The following MCTP2 variants were observed in gnomAD, a reference collection of about 807,000 sequenced individuals.
The protein encoded by MCTP2 is multiple C2 and transmembrane domain containing 2, also known as multiple C2 and transmembrane domain-containing protein 2.
A neutral mutation model predicts 111.6 loss-of-function variants in MCTP2; 132 were observed. That is an observed-to-expected ratio of 1.18 (90% CI 1.03 to 1.37). The LOEUF is 1.37. Among genes scored for constraint, MCTP2 ranks in the 40% most tolerant of loss-of-function variants. The pLI is 0.00. For synonymous variants in MCTP2, 395 were observed against 387.7 expected (o/e 1.02, Z -0.22); for missense variants, 1,183 against 1,067.9 (o/e 1.11, Z -1.50).
intron 20 of MCTP2, among the ~76,000 whole-genome samples, chr15:94,458,828 T>C (rs72647779): frequency 0.11 from 15,995 of 152,268 alleles, 927 homozygotes; most frequent in East Asian, 0.19. Context: ...TACTCAACTC[T>C]GTTGTTAAAG....
chr15:94,236,370 T>G (rs955681188), intron 1 of MCTP2, among the ~76,000 whole-genome samples: 1 of 139,800 alleles, frequency 7.2e-6, no homozygotes, highest in African/African-American at 2.7e-5. Context: ...AATCCTTTCT[T>G]TTTTTTCTTT....
intron 5 of MCTP2, 151 bp from the exon 6 acceptor site, chr15:94,340,048 A>C: frequency 1.6e-6 from 1 of 614,802 alleles, no homozygotes; most frequent in Non-Finnish European, 2.8e-6. Flanking sequence ...CATTGGCTTG[A>C]CTAAATTTCT....
At chr15:94,237,155 C>T (rs2070629132) in intron 1 of MCTP2, among the ~76,000 whole-genome samples, 1 of 152,156 alleles carries the variant, frequency 6.6e-6, no homozygotes, top group African/African-American at 2.4e-5. Context: ...AAGGTCTGCA[C>T]TCCAGGAAAG....
intron 1 of MCTP2, among the ~76,000 whole-genome samples, chr15:94,244,247 C>CAT (rs1555439444): frequency 7.5e-6 from 1 of 133,774 alleles, no homozygotes; most frequent in Non-Finnish European, 1.6e-5. Context: ...CACGTGTATA[C>CAT]ACATATGTGT....
At chr15:94,467,415 T>C (rs1403809991) in intron 20 of MCTP2, among the ~76,000 whole-genome samples, 2 of 40,202 alleles carry the variant, frequency 5.0e-5, no homozygotes, top group Non-Finnish European at 1.0e-4. Flanking sequence ...GTTACTTACT[T>C]TTATTATAAT....
intron 17 of MCTP2, among the ~76,000 whole-genome samples, chr15:94,424,838 G>A (rs2082802866): frequency 6.6e-6 from 1 of 151,948 alleles, no homozygotes; most frequent in South Asian, 2.1e-4. Context: ...GGGGCATTTG[G>A]ATCCCTCCTT....
At chr15:94,282,311 T>C (rs1343690640) in intron 1 of MCTP2, among the ~76,000 whole-genome samples, 1 of 152,228 alleles carries the variant, frequency 6.6e-6, no homozygotes, top group Non-Finnish European at 1.5e-5. Flanking sequence ...AATTCTGAGA[T>C]TCTTTTCTCA....
intron 17 of MCTP2, among the ~76,000 whole-genome samples, chr15:94,407,774 TGCACACACAC>T (rs2081972235): frequency 1.1e-5 from 1 of 95,216 alleles, no homozygotes; most frequent in South Asian, 4.2e-4. Context: ...CATGTACTTG[TGCACACACAC>T]ACACACACAC....
intron 21 of MCTP2, among the ~76,000 whole-genome samples, chr15:94,475,388 G>T (rs1410279187): frequency 6.6e-6 from 1 of 152,200 alleles, no homozygotes; most frequent in Admixed American, 6.5e-5. Flanking sequence ...ACCCTCCAAA[G>T]AAATAACTGG....
At chr15:94,451,314 AATTTGAAAAATTCCATG>A (rs1437588703) in intron 19 of MCTP2, among the ~76,000 whole-genome samples, 2 of 152,176 alleles carry the variant, frequency 1.3e-5, no homozygotes, top group African/African-American at 4.8e-5. Context: ...AACCTTATGA[AATTTGAAAAATTCCATG>A]CTTTCATCTC....
intron 1 of MCTP2, among the ~76,000 whole-genome samples, chr15:94,261,715 G>A (rs184475945): frequency 6.6e-6 from 1 of 152,302 alleles, no homozygotes; most frequent in Non-Finnish European, 1.5e-5. Flanking sequence ...GACACAGGTA[G>A]TGTTCATTAG....
At chr15:94,342,684 A>T (rs1205559552) in intron 7 of MCTP2, 2 of 151,536 alleles carry the variant, frequency 1.3e-5, no homozygotes, top group African/African-American at 4.8e-5. Context: ...ACATATATTT[A>T]TCTCCATATA....
intron 1 of MCTP2, among the ~76,000 whole-genome samples, chr15:94,286,430 TA>T (rs1034321080): frequency 6.6e-6 from 1 of 152,132 alleles, no homozygotes; most frequent in Non-Finnish European, 1.5e-5. Flanking sequence ...GATGGTTAAT[TA>T]AAAAAATATC....
At position 94,403,250 on chromosome 15, in the gene MCTP2, G is replaced by T. The variant is rs570316235; in HGVS notation, c.2085+1231G>T. On this transcript the variant is annotated intron_variant, in intron 17 of 22. Coordinates refer to ENST00000357742, the MANE Select transcript of MCTP2 (RefSeq NM_001385001.1). The stretch of plus-strand genomic sequence containing the variant: ...GGCCTTAATAAAAACACTAATAAAG[G>T]TTTTATTAATCTGTATCCGTCATTG... The T allele has an allele frequency of 6.1e-6, 6 of 984,122 alleles. No homozygotes were observed. The East Asian group carries it at 3.4e-4, about 56-fold the overall frequency. 61.0% of individuals were successfully genotyped at this position (984,122 alleles called of 1,614,324 possible). A position where few individuals can be genotyped will look rare whatever the true frequency, so the allele number is the denominator to read the frequency against.
chr15:94,404,586 A>C lies in MCTP2; in HGVS notation c.2085+2567A>C, dbSNP rs992378667. On this transcript the variant is annotated intron_variant, in intron 17 of 22. Coordinates refer to ENST00000357742, the MANE Select transcript of MCTP2 (RefSeq NM_001385001.1). ...AGTGCTAGGATTACAGGCTTGAGCC[A>C]CCGCACCTGGCCTCCGTTTCATCTT... is the stretch of plus-strand genomic sequence containing the variant. Among the ~76,000 whole-genome samples, 3 of 152,144 alleles carry C rather than the reference A, an allele frequency of 2.0e-5. No individual in the cohort carries two copies. The East Asian group carries it at 5.8e-4, about 29-fold the overall frequency.
chr15:94,296,269 C>T (rs981791062), intron 1 of MCTP2, among the ~76,000 whole-genome samples: 5 of 152,158 alleles, frequency 3.3e-5, no homozygotes, highest in Admixed American at 6.5e-5. Flanking sequence ...AATGTACTTG[C>T]GTATTGCTAA....
intron 17 of MCTP2, among the ~76,000 whole-genome samples, chr15:94,405,318 T>C (rs923006742): frequency 6.6e-6 from 1 of 152,228 alleles, no homozygotes; most frequent in African/African-American, 2.4e-5. Flanking sequence ...AACATGAACA[T>C]TGCAGAATCA....
Position 94,470,948 on chromosome 15 carries a change from C to T in MCTP2, c.2470+506C>T, listed in dbSNP as rs2073876426. Among the ~76,000 whole-genome samples, 4 of 152,162 alleles carry T rather than the reference C, an allele frequency of 2.6e-5. No individual in the cohort carries two copies. In the South Asian group the frequency reaches 8.3e-4, roughly 32 times the overall value. On this transcript the variant is annotated intron_variant, in intron 21 of 22. Coordinates refer to ENST00000357742, the MANE Select transcript of MCTP2 (RefSeq NM_001385001.1). ...AGGGGGCGTTCTGTGAATACCTAAC[C>T]AGTGCCTGAACAGAGAGGAAGTTAT...
chr15:94,464,599 T>C (rs1279259974), intron 20 of MCTP2, among the ~76,000 whole-genome samples: 1 of 151,928 alleles, frequency 6.6e-6, no homozygotes, highest in Non-Finnish European at 1.5e-5. Context: ...AGATGGATAA[T>C]TAGATCACTT....
Sources: allele counts gnomAD v4.1 joint callset (sites outside exome capture counted in the v4.1 genomes callset), GRCh38; gene constraint gnomAD v4.1.1; transcripts MANE v1.5; gene names NCBI Gene and HGNC (gene_info 2026-07-23, HGNC 2026-07-21).